The following NADSYN1 variants were observed in gnomAD, a reference collection of about 807,000 sequenced individuals.
NADSYN1 encodes NAD synthetase 1.
Under a neutral mutation model 99.3 loss-of-function variants are expected in NADSYN1, and 80 were observed. That is an observed-to-expected ratio of 0.81 (90% CI 0.67 to 0.97). The LOEUF (loss-of-function observed/expected upper bound fraction) is 0.97, where lower values mean the gene tolerates loss of function less well. Among genes scored for constraint, NADSYN1 ranks in the 50% least tolerant of loss-of-function variants. The pLI is 0.00. For synonymous variants in NADSYN1, 385 were observed against 372.1 expected, an observed-to-expected ratio of 1.03 and a Z score of -0.40; for missense variants, 859 against 948.5, an observed-to-expected ratio of 0.91 and a Z score of 1.24.
At chr11:71,461,751 A>C (rs1949552193) in intron 3 of NADSYN1, among the ~76,000 whole-genome samples, 1 of 152,138 alleles carries the variant, frequency 6.6e-6, no homozygotes, top group African/African-American at 2.4e-5. Flanking sequence ...AAACGACCAG[A>C]TCTCATGAGA....
At position 71,473,646 on chromosome 11, in the gene NADSYN1, C is replaced by A; in HGVS notation, c.626C>A (p.Ala209Asp). The change falls in exon 8 of 21, where the codon GCC becomes GAC. Residue 209 changes from alanine (A) to aspartate (D), a missense_variant. By Grantham distance (126) the Ala-to-Asp change is moderately radical. Coordinates refer to ENST00000319023, the MANE Select transcript of NADSYN1 (RefSeq NM_018161.5). ...ASGSHQVLRK[A>D]NTRVDLVTMV... ...GGCAGCCACCAAGTGCTGCGCAAAGCCAACACCAGGGTGGATCTCGTGACT... is the reference window on the plus strand; with the variant it reads ...GGCAGCCACCAAGTGCTGCGCAAAGACAACACCAGGGTGGATCTCGTGACT... The A allele has an allele frequency of 6.2e-7, 1 of 1,613,190 alleles. No individual in the cohort carries two copies. Among genetic ancestry groups the A allele is most frequent in the Non-Finnish European group, 8.5e-7 (1 of 1,179,834 alleles).
chr11:71,473,447 G>T, intron 7 of NADSYN1, 81 bp downstream of exon 7: 1 of 1,540,070 alleles, frequency 6.5e-7, no homozygotes, highest in Admixed American at 1.7e-5. Flanking sequence ...AGACGTCCTG[G>T]GGCCGTGGCC....
chr11:71,476,728 A>T (rs1008808580), intron 9 of NADSYN1: 9 of 970,410 alleles, frequency 9.3e-6, no homozygotes, highest in Non-Finnish European at 1.1e-5. Context: ...CGTTCACGTC[A>T]GAGCCACAGG....
intron 16 of NADSYN1, among the ~76,000 whole-genome samples, chr11:71,487,022 G>T (rs1406473248): frequency 2.0e-5 from 3 of 152,040 alleles, no homozygotes; most frequent in Non-Finnish European, 2.9e-5. Flanking sequence ...TAGCCAGGAT[G>T]GTCTCCATCT....
At chr11:71,474,333 A>T (rs991591702) in intron 8 of NADSYN1, 62 bp from the exon 9 acceptor site, 1 of 1,605,778 alleles carries the variant, frequency 6.2e-7, no homozygotes, top group Non-Finnish European at 8.5e-7. Context: ...GTACTTGGGC[A>T]GGTGGCAGGT....
chr11:71,484,594 G>A (rs1949729908), intron 15 of NADSYN1, 147 bp downstream of exon 15: 1 of 1,207,288 alleles, frequency 8.3e-7, no homozygotes, highest in East Asian at 2.6e-5. Flanking sequence ...CAGTGCTGGG[G>A]TCACAGCCTG....
intron 17 of NADSYN1, 21 bp downstream of exon 17, chr11:71,490,997 TG>T: frequency 6.2e-7 from 1 of 1,613,498 alleles, no homozygotes; most frequent in Non-Finnish European, 8.5e-7. Context: ...TCACGGGCTG[TG>T]GCTCCACAGC....
intron 16 of NADSYN1, among the ~76,000 whole-genome samples, chr11:71,489,612 C>A (rs1392391840): frequency 1.3e-5 from 2 of 152,224 alleles, no homozygotes; most frequent in African/African-American, 4.8e-5. Context: ...CCAGCTCCTG[C>A]TGAAGGAGCT....
intron 20 of NADSYN1, among the ~76,000 whole-genome samples, chr11:71,500,660 T>G (rs148000454): frequency 6.6e-6 from 1 of 152,054 alleles, no homozygotes; most frequent in Non-Finnish European, 1.5e-5. Flanking sequence ...CTGATTTCCG[T>G]GGAAAGGAAC....
intron 3 of NADSYN1, 139 bp from the exon 4 acceptor site, chr11:71,463,293 C>G: frequency 2.8e-6 from 2 of 726,606 alleles, no homozygotes; most frequent in African/African-American, 1.8e-5. Context: ...CACAGAAGAG[C>G]CTTGCAGTTC....
intron 16 of NADSYN1, 106 bp from the exon 17 acceptor site, chr11:71,490,739 C>A: frequency 6.7e-7 from 1 of 1,489,544 alleles, no homozygotes; most frequent in Non-Finnish European, 9.1e-7. Context: ...GAATATGCCA[C>A]ACTTCTGGCT....
Position 71,498,483 on chromosome 11 carries a change from G to A in NADSYN1, c.2025G>A (p.Leu675=). Residue 675 remains leucine, a synonymous_variant, in exon 20 of 21, where the codon CTG becomes CTA. Coordinates refer to ENST00000319023, the MANE Select transcript of NADSYN1 (RefSeq NM_018161.5). ...ACAGGTTTGATCTGCGACCATTTCT[G>A]TACAACACAAGCTGGCCTTGGCAGT... ...EDNRFDLRPF[L]YNTSWPWQFR... 5 of 1,614,170 alleles carry A rather than the reference G, an allele frequency of 3.1e-6. No individual in the cohort carries two copies. The highest frequency in any genetic ancestry group is 1.7e-5 in the Admixed American group (1 of 60,020).
At chr11:71,457,834 GC>G (rs1949523594) in intron 2 of NADSYN1, among the ~76,000 whole-genome samples, 1 of 152,060 alleles carries the variant, frequency 6.6e-6, no homozygotes, top group Non-Finnish European at 1.5e-5. Context: ...TTGGATTTAG[GC>G]CCCCCTGCAA....
At chr11:71,486,399 C>G (rs1408536509) in intron 16 of NADSYN1, among the ~76,000 whole-genome samples, 1 of 152,140 alleles carries the variant, frequency 6.6e-6, no homozygotes, top group Non-Finnish European at 1.5e-5. Flanking sequence ...GTCCGTTCAT[C>G]CACCCATCTG....
intron 17 of NADSYN1, 132 bp downstream of exon 17, chr11:71,491,108 G>C (rs1949776003): frequency 8.1e-7 from 1 of 1,237,612 alleles, no homozygotes; most frequent in African/African-American, 1.5e-5. Context: ...CCCTGAGCTG[G>C]CACTTGAGGC....
Position 71,482,735 on chromosome 11 carries a change from G to C in NADSYN1, c.1151-114G>C, listed in dbSNP as rs896199997. ...GGTGGAGCCGCACAGGCACCTGGGG[G>C]TGTAGACCGGGGTGGAGCCGCATGG... On this transcript the variant is annotated intron_variant, in intron 13 of 20. Transcript: ENST00000319023. The C allele has an allele frequency of 5.7e-6, 7 of 1,219,270 alleles. No individual in the cohort carries two copies. In the South Asian group the frequency reaches 1.1e-4, roughly 18 times the overall value. The allele number at this position is 1,219,270 out of a possible 1,614,324, so 75.5% of individuals were successfully genotyped here.
Position 71,455,078 on chromosome 11 carries a change from G to A in NADSYN1, c.86-32G>A, listed in dbSNP as rs1172938607. 4 of 1,554,540 alleles carry A rather than the reference G, an allele frequency of 2.6e-6. No homozygotes were observed. In the Admixed American group the frequency reaches 6.8e-5, roughly 26 times the overall value. ...CTTTGAGTGTATAGGTGCTGAAATT[G>A]CTCCATTTTCTTTTTCTCTCTGTAC... On this transcript the variant is annotated intron_variant, in intron 1 of 20. Coordinates refer to ENST00000319023, the MANE Select transcript of NADSYN1 (RefSeq NM_018161.5).
At chr11:71,468,350 A>G (rs1398143781) in intron 5 of NADSYN1, among the ~76,000 whole-genome samples, 1 of 152,210 alleles carries the variant, frequency 6.6e-6, no homozygotes, top group Non-Finnish European at 1.5e-5. Context: ...TGTGTAGTAA[A>G]AAGTAGGCCA....
intron 14 of NADSYN1, among the ~76,000 whole-genome samples, chr11:71,483,263 G>C (rs940668714): frequency 6.6e-6 from 1 of 152,088 alleles, no homozygotes; most frequent in African/African-American, 2.4e-5. Flanking sequence ...AGCTTATCAG[G>C]GCTCCACTTT....
Sources: allele counts gnomAD v4.1 joint callset (sites outside exome capture counted in the v4.1 genomes callset), GRCh38; gene constraint gnomAD v4.1.1; transcripts MANE v1.5; gene names NCBI Gene and HGNC (gene_info 2026-07-23, HGNC 2026-07-21).